The following DPP6 variants were observed in gnomAD, a reference collection of about 807,000 sequenced individuals.
DPP6 encodes the protein dipeptidyl peptidase like 6.
Under a neutral mutation model 122.6 loss-of-function variants are expected in DPP6, and 69 were observed. The ratio of observed to expected loss-of-function variants is 0.56; its 90% confidence interval spans 0.46 to 0.69. The LOEUF (loss-of-function observed/expected upper bound fraction) is 0.69, where lower values mean the gene tolerates loss of function less well. DPP6 is among the 30% of genes least tolerant of loss of function. The pLI is 0.00. For synonymous variants in DPP6, 418 were observed against 433.1 expected (o/e 0.97, Z 0.43); for missense variants, 928 against 1,116.9 (o/e 0.83, Z 2.41).
intron 1 of DPP6, among the ~76,000 whole-genome samples, chr7:154,370,265 G>A (rs540722113): frequency 6.6e-6 from 1 of 152,222 alleles, no homozygotes; most frequent in Admixed American, 6.5e-5. Context: ...TTATAGGCAT[G>A]AGCCACCACG....
chr7:154,169,768 T>C lies in DPP6; in HGVS notation c.243+116705T>C, dbSNP rs374743849. Among the ~76,000 whole-genome samples, 15 of 152,318 alleles carry C rather than the reference T, an allele frequency of 9.8e-5. No individual in the cohort carries two copies. In the South Asian group the frequency reaches 3.1e-3, roughly 32 times the overall value. On this transcript the variant is annotated intron_variant, in intron 1 of 25. Coordinates refer to ENST00000377770, the MANE Select transcript of DPP6 (RefSeq NM_130797.4). ...TTATTTGAGATGGAGTCTCACTCTG[T>C]CACCCAGGCTGGAGTACAGTGGCGA... is the stretch of plus-strand genomic sequence containing the variant.
chr7:153,865,921 C>A, the DPP6 span, among the ~76,000 whole-genome samples: 3 of 150,892 alleles, frequency 2.0e-5, no homozygotes, highest in South Asian at 4.2e-4. Context: ...TTTGTCCTTG[C>A]GATAGTTTGC....
At chr7:153,750,908 C>CT in the DPP6 span, among the ~76,000 whole-genome samples, 1 of 152,190 alleles carries the variant, frequency 6.6e-6, no homozygotes, top group African/African-American at 2.4e-5. Context: ...GAAGAACACA[C>CT]TTAAGTTGTT....
At chr7:153,780,856 T>G in the DPP6 span, among the ~76,000 whole-genome samples, 1 of 152,162 alleles carries the variant, frequency 6.6e-6, no homozygotes, top group Non-Finnish European at 1.5e-5. Flanking sequence ...AACACAAACA[T>G]GTGGGCCTTC....
At position 154,702,964 on chromosome 7, in the gene DPP6, C is replaced by T. The variant is rs1840608337; in HGVS notation, c.763-24803C>T. Among the ~76,000 whole-genome samples the T allele has an allele frequency of 3.3e-5, 5 of 152,212 alleles. No individual in the cohort carries two copies. In the South Asian group the frequency reaches 1.0e-3, roughly 31 times the overall value. On this transcript the variant is annotated intron_variant, in intron 7 of 25. Coordinates refer to ENST00000377770, the MANE Select transcript of DPP6 (RefSeq NM_130797.4). The stretch of plus-strand genomic sequence containing the variant: ...ACTCTCTTCTTAGGGGTTGAAGTAG[C>T]TGGTGACTTTAAGTCGGAGCCAGTG...
At chr7:154,804,658 T>G (rs142160219) in intron 14 of DPP6, among the ~76,000 whole-genome samples, 1 of 152,296 alleles carries the variant, frequency 6.6e-6, no homozygotes, top group African/African-American at 2.4e-5. Flanking sequence ...CCAACCACAG[T>G]ACCCTCTGGC....
At chr7:154,063,498 G>T (rs1802384099) in intron 1 of DPP6, among the ~76,000 whole-genome samples, 1 of 126,976 alleles carries the variant, frequency 7.9e-6, no homozygotes, top group Non-Finnish European at 1.7e-5. Context: ...TCCCCCCCTG[G>T]CTCTTAAGAC....
At chr7:154,024,652 T>C (rs192644976) in intron 1 of DPP6, among the ~76,000 whole-genome samples, 2 of 152,326 alleles carry the variant, frequency 1.3e-5, no homozygotes, top group East Asian at 3.9e-4. Flanking sequence ...AAAATCCCTT[T>C]AACGTGCGTA....
intron 1 of DPP6, chr7:154,305,537 C>T (rs767602070): frequency 6.2e-7 from 1 of 1,603,742 alleles, no homozygotes; most frequent in Admixed American, 1.7e-5. Context: ...GAAATCCGTG[C>T]AGCAGCAGGA....
chr7:154,074,115 A>ATC (rs56017930), intron 1 of DPP6, among the ~76,000 whole-genome samples: 1 of 84,260 alleles, frequency 1.2e-5, no homozygotes, highest in African/African-American at 4.5e-5. Context: ...ATAGAGAGAT[A>ATC]TATATAGATA....
At chr7:154,749,212 A>G (rs1843202196) in intron 8 of DPP6, among the ~76,000 whole-genome samples, 1 of 127,420 alleles carries the variant, frequency 7.8e-6, no homozygotes, top group African/African-American at 3.0e-5. Context: ...AGAGAGGGTG[A>G]GGGAGCATAG....
At chr7:153,898,098 C>G (rs978459190) in intron 1 of DPP6, among the ~76,000 whole-genome samples, 1 of 152,166 alleles carries the variant, frequency 6.6e-6, no homozygotes, top group Non-Finnish European at 1.5e-5. Context: ...GGAATAAGTT[C>G]TCATGTTCAA....
the DPP6 span, among the ~76,000 whole-genome samples, chr7:153,758,446 C>T: frequency 1.3e-5 from 2 of 151,534 alleles, no homozygotes; most frequent in Non-Finnish European, 3.0e-5. Context: ...GAAAACGCCA[C>T]GGTCAAGGCA....
the DPP6 span, among the ~76,000 whole-genome samples, chr7:153,757,926 T>A: frequency 6.6e-6 from 1 of 152,188 alleles, no homozygotes; most frequent in Non-Finnish European, 1.5e-5. Context: ...GCCACTGCAC[T>A]CCAGCCTGGG....
At chr7:154,296,020 C>T (rs987357596) in intron 1 of DPP6, among the ~76,000 whole-genome samples, 1 of 147,978 alleles carries the variant, frequency 6.8e-6, no homozygotes, top group Non-Finnish European at 1.5e-5. Flanking sequence ...TCTCGGCTCA[C>T]TGCAAGCTCT....
chr7:154,771,396 C>T (rs1030954546), intron 9 of DPP6, among the ~76,000 whole-genome samples: 10 of 152,232 alleles, frequency 6.6e-5, no homozygotes, highest in Admixed American at 1.3e-4. Flanking sequence ...GCCGCCTTCT[C>T]GCCATGTCTT....
chr7:153,929,940 A>C (rs1289344060), intron 1 of DPP6, among the ~76,000 whole-genome samples: 1 of 152,234 alleles, frequency 6.6e-6, no homozygotes, highest in Non-Finnish European at 1.5e-5. Context: ...TTTAAAGAGC[A>C]CAGCATGATG....
chr7:154,712,124 G>A (rs571413449), intron 7 of DPP6, among the ~76,000 whole-genome samples: 2 of 152,108 alleles, frequency 1.3e-5, no homozygotes, highest in Non-Finnish European at 2.9e-5. Context: ...CAACTCACAT[G>A]CTAAACCTTG....
chr7:154,574,054 G>T (rs1327918039), intron 5 of DPP6, among the ~76,000 whole-genome samples: 3 of 152,168 alleles, frequency 2.0e-5, no homozygotes, highest in Non-Finnish European at 4.4e-5. Context: ...TTTCTTGTTT[G>T]TTTTTTATTT....
Sources: allele counts gnomAD v4.1 joint callset (sites outside exome capture counted in the v4.1 genomes callset), GRCh38; gene constraint gnomAD v4.1.1; transcripts MANE v1.5; gene names NCBI Gene and HGNC (gene_info 2026-07-23, HGNC 2026-07-21).